RHBDD1: variants seen among roughly 807,000 people sequenced by gnomAD.
RHBDD1 encodes rhomboid-related protein 4.
RHBDD1 carries 38 observed loss-of-function variants against 36.3 expected under a neutral mutation model. The ratio of observed to expected loss-of-function variants is 1.05; its 90% CI spans 0.81 to 1.37. The LOEUF (loss-of-function observed/expected upper bound fraction) is 1.37, where lower values mean the gene tolerates loss of function less well. Ranked by LOEUF, RHBDD1 falls within the 40% of genes most tolerant of loss-of-function variation. The pLI is 0.00. For synonymous variants in RHBDD1, 151 were observed against 136.5 expected, an observed-to-expected ratio of 1.11 and a Z score of -0.74; for missense variants, 393 against 377.6, an observed-to-expected ratio of 1.04 and a Z score of -0.34.
chr2:226,905,496 A>G (rs1339096777), intron 5 of RHBDD1, among the ~76,000 whole-genome samples: 1 of 152,184 alleles, frequency 6.6e-6, no homozygotes, highest in Non-Finnish European at 1.5e-5. Context: ...CTGACTTTGC[A>G]GAGATGGGCA....
intron 8 of RHBDD1, among the ~76,000 whole-genome samples, chr2:226,948,038 A>G (rs1283974338): frequency 1.3e-5 from 2 of 151,986 alleles, no homozygotes; most frequent in Non-Finnish European, 2.9e-5. Context: ...AACTAGAAAT[A>G]CCATTTGACC....
chr2:226,895,065 A>G (rs537317271), intron 5 of RHBDD1, among the ~76,000 whole-genome samples: 35 of 152,320 alleles, frequency 2.3e-4, no homozygotes, highest in Non-Finnish European at 4.1e-4. Context: ...GGAGAGGCAG[A>G]CAGAAGTCCA....
rs552670504 is a variant in RHBDD1, at chr2:226,904,918, A to G, written c.567-1875A>G. Among the ~76,000 whole-genome samples, 4 of 152,158 alleles carry G rather than the reference A, an allele frequency of 2.6e-5. No individual in the cohort carries two copies. In the South Asian group the frequency reaches 8.3e-4, roughly 32 times the overall value. On this transcript the variant is annotated intron_variant, in intron 5 of 8. Transcript: ENST00000392062. ...CCTGAGCTGAACATCTAGTGGTTTT[A>G]ACTTACCTCCTGTTGGTCTTGGTGA...
intron 3 of RHBDD1, among the ~76,000 whole-genome samples, chr2:226,846,055 T>C (rs191367226): frequency 5.9e-5 from 9 of 152,254 alleles, no homozygotes; most frequent in Non-Finnish European, 1.2e-4. Context: ...TCTTGGGTTC[T>C]TGTTTTTATT....
intron 3 of RHBDD1, among the ~76,000 whole-genome samples, chr2:226,847,745 T>C (rs1393446626): frequency 6.6e-6 from 1 of 152,262 alleles, no homozygotes; most frequent in African/African-American, 2.4e-5. Flanking sequence ...CAAAATGACC[T>C]GAACTGACCA....
In RHBDD1 at chr2:226,864,792, A is replaced by C; in HGVS notation, c.99A>C (p.Ala33=). The C allele has an allele frequency of 6.2e-7, 1 of 1,614,160 alleles. No homozygotes were observed. The highest frequency in any genetic ancestry group is 8.5e-7 in the Non-Finnish European group (1 of 1,180,030). The change falls in exon 4 of 9, where the codon GCA becomes GCC. Residue 33 remains alanine (A), a synonymous_variant. Coordinates refer to ENST00000392062, the MANE Select transcript of RHBDD1 (RefSeq NM_001167608.3). ...ACAATATTCCACCTGTCACCCTAGC[A>C]ACTTTGGCCCTCAACATCTGGTTCT... ...GINNIPPVTL[A]TLALNIWFFL...
intron 8 of RHBDD1, among the ~76,000 whole-genome samples, chr2:226,918,308 CT>C (rs1207307340): frequency 3.3e-5 from 5 of 151,736 alleles, no homozygotes; most frequent in Non-Finnish European, 1.5e-5. Flanking sequence ...AGCATTTGTC[CT>C]TTCTTTGTGT....
intron 3 of RHBDD1, among the ~76,000 whole-genome samples, chr2:226,863,267 A>C (rs1414112686): frequency 6.6e-6 from 1 of 152,204 alleles, no homozygotes; most frequent in Non-Finnish European, 1.5e-5. Flanking sequence ...TGCACCCAGG[A>C]GGTGGAGGTG....
intron 5 of RHBDD1, among the ~76,000 whole-genome samples, chr2:226,872,303 A>G (rs531303806): frequency 2.6e-5 from 4 of 152,332 alleles, no homozygotes; most frequent in African/African-American, 2.4e-5. Context: ...ACATTATTAA[A>G]TCCATACAAA....
At chr2:226,871,628 T>G (rs1944806046) in intron 5 of RHBDD1, among the ~76,000 whole-genome samples, 1 of 152,218 alleles carries the variant, frequency 6.6e-6, no homozygotes, top group South Asian at 2.1e-4. Context: ...ATCTCTCGTT[T>G]TATAGAATAT....
At chr2:226,960,798 C>T (rs959647967) in intron 8 of RHBDD1, among the ~76,000 whole-genome samples, 32 of 152,156 alleles carry the variant, frequency 2.1e-4, no homozygotes, top group African/African-American at 2.2e-4. Context: ...CTTCATGCCC[C>T]CTGCAGCACT....
chr2:226,867,716 T>C (rs1045058525), intron 5 of RHBDD1: 1 of 921,682 alleles, frequency 1.1e-6, no homozygotes, highest in African/African-American at 1.8e-5. Context: ...TTTTTATTAT[T>C]ATTATTATTC....
chr2:226,871,281 G>C (rs1944777127), intron 5 of RHBDD1, among the ~76,000 whole-genome samples: 1 of 151,932 alleles, frequency 6.6e-6, no homozygotes, highest in Admixed American at 6.6e-5. Flanking sequence ...AAGAAATGTT[G>C]ATGCACCATT....
intron 3 of RHBDD1, among the ~76,000 whole-genome samples, chr2:226,851,031 C>G (rs1942760246): frequency 6.6e-6 from 1 of 152,154 alleles, no homozygotes; most frequent in Admixed American, 6.5e-5. Context: ...AAACAAGGAA[C>G]AAGAAGTGTG....
chr2:226,887,373 T>C (rs1574962739), intron 5 of RHBDD1, among the ~76,000 whole-genome samples: 1 of 152,256 alleles, frequency 6.6e-6, no homozygotes, highest in East Asian at 1.9e-4. Flanking sequence ...CATTCAATTA[T>C]AGTGTCAGTT....
chr2:226,947,905 A>G (rs1951104885), intron 8 of RHBDD1, among the ~76,000 whole-genome samples: 1 of 152,206 alleles, frequency 6.6e-6, no homozygotes, highest in Non-Finnish European at 1.5e-5. Flanking sequence ...ATCATTACAA[A>G]GTCAGGAAAC....
intron 5 of RHBDD1, among the ~76,000 whole-genome samples, chr2:226,881,754 T>A (rs1945758536): frequency 6.6e-6 from 1 of 152,224 alleles, no homozygotes. Flanking sequence ...TTTCTATAAG[T>A]TTTTTGGGAG....
intron 8 of RHBDD1, among the ~76,000 whole-genome samples, chr2:226,933,889 G>A (rs886894108): frequency 6.6e-6 from 1 of 151,998 alleles, no homozygotes; most frequent in African/African-American, 2.4e-5. Context: ...TACATAAAGA[G>A]GATTTTTCCA....
chr2:226,853,424 G>A (rs936575637), intron 3 of RHBDD1, among the ~76,000 whole-genome samples: 3 of 152,298 alleles, frequency 2.0e-5, no homozygotes, highest in Admixed American at 1.3e-4. Context: ...TGTGGAACTC[G>A]GCTTTCTTGA....
Sources: allele counts gnomAD v4.1 joint callset (sites outside exome capture counted in the v4.1 genomes callset), GRCh38; gene constraint gnomAD v4.1.1; transcripts MANE v1.5; gene names NCBI Gene and HGNC (gene_info 2026-07-23, HGNC 2026-07-21).